The following ERH variants were observed in gnomAD, a reference collection of about 807,000 sequenced individuals.
ERH encodes the protein enhancer of rudimentary homolog.
In ERH, 1 loss-of-function variant was observed where a neutral mutation model predicts 16.8. That is an observed-to-expected ratio of 0.06 (90% CI 0.02 to 0.28). The LOEUF (loss-of-function observed/expected upper bound fraction) is 0.28, where lower values mean the gene tolerates loss of function less well. ERH is among the 10% of genes least tolerant of loss of function. The probability of loss-of-function intolerance (pLI) is 1.00; values close to 1 mark genes in which losing one functional copy is unlikely to be tolerated. For missense variants in ERH, 42 were observed against 127.5 expected, an observed-to-expected ratio of 0.33 and a Z score of 3.23; for synonymous variants, 43 against 43.6, an observed-to-expected ratio of 0.99 and a Z score of 0.05.
At chr14:69,392,976 G>C (rs1882251227) in intron 2 of ERH, among the ~76,000 whole-genome samples, 1 of 152,134 alleles carries the variant, frequency 6.6e-6, no homozygotes, top group South Asian at 2.1e-4. Context: ...GCAGAGAAAT[G>C]GATCTGTAAA....
Position 69,392,475 on chromosome 14 carries a change from C to T in ERH, c.91+2350G>A, listed in dbSNP as rs1396674082. The stretch of plus-strand genomic sequence containing the variant: ...ATATGACATTCTGGAAAAGACAAAA[C>T]TATGGAGACAGTAAAAAGACCAATG... On this transcript the variant is annotated intron_variant, in intron 2 of 3. Transcript: ENST00000557016. Among the ~76,000 whole-genome samples, 5 of 152,240 alleles carry T rather than the reference C, an allele frequency of 3.3e-5. No homozygotes were observed. The East Asian group carries it at 7.7e-4, about 23-fold the overall frequency.
chr14:69,391,221 C>G (rs2045922239), intron 2 of ERH, among the ~76,000 whole-genome samples: 1 of 152,124 alleles, frequency 6.6e-6, no homozygotes, highest in South Asian at 2.1e-4. Flanking sequence ...AAAATAGAAG[C>G]AACCAAGATG....
At chr14:69,387,158 G>C in intron 2 of ERH, 75 bp from the exon 3 acceptor site, 3 of 1,194,600 alleles carry the variant, frequency 2.5e-6, no homozygotes, top group East Asian at 2.4e-5. Flanking sequence ...CTTATGAGCT[G>C]TGCTATATGT....
chr14:69,395,502 A>G (rs1413333726), intron 1 of ERH, among the ~76,000 whole-genome samples: 4 of 151,922 alleles, frequency 2.6e-5, no homozygotes, highest in Non-Finnish European at 5.9e-5. Context: ...TAAATTATAA[A>G]CCTGCTTAGG....
intron 3 of ERH, chr14:69,386,505 A>G (rs1208097337): frequency 6.6e-6 from 1 of 152,648 alleles, no homozygotes; most frequent in Non-Finnish European, 1.5e-5. Context: ...AAACTATAAC[A>G]AATATGTTAA....
chr14:69,387,083 C>A lies in ERH; in HGVS notation c.92G>T (p.Gly31Val). ...DYESVNECME[G>V]VCKMYEEHLK... ...ATGTTCTTCATACATTTTACAAACA[C>A]CTAAGAAAGGATAGGAAAAAAAGCA... The change falls in exon 3 of 4, where the codon GGT becomes GTT. Residue 31 changes from glycine (G) to valine (V), a missense_variant and splice_region_variant. Physicochemically the swap from Gly to Val is moderately radical, Grantham distance 109. Transcript: ENST00000557016. 1 of 1,613,026 alleles carries A rather than the reference C, an allele frequency of 6.2e-7. No individual in the cohort carries two copies. The highest frequency in any genetic ancestry group is 8.5e-7 in the Non-Finnish European group (1 of 1,179,498).
chr14:69,383,905 G>C (rs1439473120), intron 3 of ERH, among the ~76,000 whole-genome samples: 3 of 152,066 alleles, frequency 2.0e-5, no homozygotes, highest in African/African-American at 7.2e-5. Context: ...ATCACTCCTT[G>C]GGGAGGCTGA....
At chr14:69,397,052 G>A (rs1882357178) in intron 1 of ERH, among the ~76,000 whole-genome samples, 1 of 152,148 alleles carries the variant, frequency 6.6e-6, no homozygotes, top group Non-Finnish European at 1.5e-5. Flanking sequence ...GGGTAAGAAT[G>A]GAAAAAGCTA....
At position 69,380,492 on chromosome 14, in the gene ERH, C is replaced by A. The variant is rs1355651306; in HGVS notation, c.*46G>T. The A allele has an allele frequency of 9.3e-7, 1 of 1,076,896 alleles. No homozygotes were observed. Among genetic ancestry groups the A allele is most frequent in the African/African-American group, 1.5e-5 (1 of 64,816 alleles). The allele number at this position is 1,076,896 out of a possible 1,614,324, so 66.7% of individuals were successfully genotyped here. A position where few individuals can be genotyped will look rare whatever the true frequency, so the allele number is the denominator to read the frequency against. ...CTTCCACTACAGCACGCTGTACACA[C>A]CTGTGTTCCAAGCCCACCCCAACCC... On this transcript the variant is annotated 3_prime_UTR_variant, in exon 4 of 4. Transcript: ENST00000557016.
intron 2 of ERH, among the ~76,000 whole-genome samples, chr14:69,392,636 C>T (rs1300344866): frequency 3.3e-5 from 5 of 152,134 alleles, no homozygotes; most frequent in Non-Finnish European, 7.4e-5. Flanking sequence ...GGAAAATCCA[C>T]AGTAATGTAG....
chr14:69,398,260 G>C lies in ERH; in HGVS notation c.-27C>G, dbSNP rs200710714. On this transcript the variant is annotated 5_prime_UTR_variant, in exon 1 of 4. Coordinates refer to ENST00000557016, the MANE Select transcript of ERH (RefSeq NM_004450.3). ...GCGCCAAACTCTCTTCGCTACAGCAGCTGCCGACACCGCCGCCGTTACACG... is the reference window on the plus strand; with the variant it reads ...GCGCCAAACTCTCTTCGCTACAGCACCTGCCGACACCGCCGCCGTTACACG... The C allele has an allele frequency of 5.2e-4, 840 of 1,613,376 alleles. No individual in the cohort carries two copies. Among genetic ancestry groups the C allele is most frequent in the Non-Finnish European group, 6.7e-4 (787 of 1,179,874 alleles).
At chr14:69,388,563 T>C (rs918786711) in intron 2 of ERH, among the ~76,000 whole-genome samples, 15 of 152,148 alleles carry the variant, frequency 9.9e-5, no homozygotes, top group African/African-American at 3.4e-4. Flanking sequence ...GGTTTTACCA[T>C]GTTGGCCAGG....
Position 69,398,219 on chromosome 14 carries a change from G to A in ERH, c.3+12C>T, listed in dbSNP as rs1022195986. 1.2e-6 allele frequency: 2 copies of A among 1,614,084 alleles called. No homozygotes were observed. Among genetic ancestry groups the A allele is most frequent in the Non-Finnish European group, 1.7e-6 (2 of 1,180,010 alleles). ...GGACTCGGACTCGGGTAGCCGCGGA[G>A]GCCTTTCTCACCATCGCGCCAAACT... On this transcript the variant is annotated intron_variant, in intron 1 of 3. Coordinates refer to ENST00000557016, the MANE Select transcript of ERH (RefSeq NM_004450.3).
chr14:69,389,880 T>G lies in ERH; in HGVS notation c.92-2797A>C, dbSNP rs149015877. ...TTGACCTCTTAAGTTCAAGTGATCC[T>G]CCCAAGGATCTGTGACTACAGGTAC... On this transcript the variant is annotated intron_variant, in intron 2 of 3. Transcript: ENST00000557016. Among the ~76,000 whole-genome samples the G allele has an allele frequency of 6.3e-3, 965 of 152,218 alleles. 6 individuals carry two copies. Among genetic ancestry groups the G allele is most frequent in the African/African-American group, 0.022 (927 of 41,528 alleles).
chr14:69,386,368 A>C (rs2045893160), intron 3 of ERH, among the ~76,000 whole-genome samples: 1 of 152,158 alleles, frequency 6.6e-6, no homozygotes, highest in South Asian at 2.1e-4. Flanking sequence ...AGGTGCTTCC[A>C]TTTTCCTCGG....
chr14:69,380,306 AATC>A lies in ERH; in HGVS notation c.*229_*231del. 1 of 401,502 alleles carries A rather than the reference AATC, an allele frequency of 2.5e-6. No homozygotes were observed. Among genetic ancestry groups the A allele is most frequent in the East Asian group, 3.7e-5 (1 of 26,830 alleles). 24.9% of individuals were successfully genotyped at this position (401,502 alleles called of 1,614,324 possible). A position where few individuals can be genotyped will look rare whatever the true frequency, so the allele number is the denominator to read the frequency against. ...AGTGACGAAGAACAACTTCCATCTAAATCATCATAAAAATGTTTAAGTAAAAAA... is the reference window on the plus strand; with the variant it reads ...AGTGACGAAGAACAACTTCCATCTAAATCATAAAAATGTTTAAGTAAAAAA... On this transcript the variant is annotated 3_prime_UTR_variant, in exon 4 of 4. Coordinates refer to ENST00000557016, the MANE Select transcript of ERH (RefSeq NM_004450.3).
chr14:69,380,894 A>T (rs1435955227), intron 3 of ERH, among the ~76,000 whole-genome samples: 2 of 152,250 alleles, frequency 1.3e-5, no homozygotes, highest in African/African-American at 4.8e-5. Context: ...AATATGTTAC[A>T]TATCTACTTC....
At chr14:69,383,211 G>A (rs748750500) in intron 3 of ERH, among the ~76,000 whole-genome samples, 89 of 152,158 alleles carry the variant, frequency 5.8e-4, no homozygotes, top group Non-Finnish European at 1.0e-3. Context: ...TTAAGTATAC[G>A]AAATACAAAT....
chr14:69,381,462 T>C (rs2045863243), intron 3 of ERH, among the ~76,000 whole-genome samples: 1 of 152,282 alleles, frequency 6.6e-6, no homozygotes, highest in South Asian at 2.1e-4. Flanking sequence ...TAGAGGCCTA[T>C]GGAGAAGAAT....
Sources: gnomAD v4.1 joint callset for allele counts (sites outside exome capture counted in the v4.1 genomes callset) on GRCh38, gnomAD v4.1.1 for gene constraint, MANE v1.5 for transcripts, NCBI Gene and HGNC (gene_info 2026-07-23, HGNC 2026-07-21) for gene names.